IRAK1BP1: variants seen among roughly 807,000 people sequenced by gnomAD.
The protein encoded by IRAK1BP1 is interleukin 1 receptor associated kinase 1 binding protein 1, also known as interleukin-1 receptor-associated kinase 1-binding protein 1.
In IRAK1BP1, 24 loss-of-function variants were observed where a neutral mutation model predicts 28.0. The ratio of observed to expected loss-of-function variants is 0.86; its 90% CI spans 0.62 to 1.20. The LOEUF (loss-of-function observed/expected upper bound fraction) is 1.20, where lower values mean the gene tolerates loss of function less well. IRAK1BP1 is among the 50% of genes most tolerant of loss of function. The probability of loss-of-function intolerance (pLI) is 0.00; values close to 1 mark genes in which losing one functional copy is unlikely to be tolerated. For synonymous variants in IRAK1BP1, 131 were observed against 116.3 expected (o/e 1.13, Z -0.81); for missense variants, 336 against 316.7 (o/e 1.06, Z -0.46).
downstream of IRAK1BP1, chr6:78,946,786 T>C: frequency 6.3e-7 from 1 of 1,594,298 alleles, no homozygotes; most frequent in Non-Finnish European, 8.5e-7. Flanking sequence ...ATTTCTTTTA[T>C]GAAAACGAAG....
At chr6:78,882,331 G>T (rs2135772) in intron 1 of IRAK1BP1, among the ~76,000 whole-genome samples, 137,486 of 152,204 alleles carry the variant, frequency 0.9, 62,133 homozygotes, top group African/African-American at 0.92. Flanking sequence ...AGCAACAAAA[G>T]AAATAAAGTA....
At chr6:78,904,501 C>A (rs116467743), downstream of IRAK1BP1, among the ~76,000 whole-genome samples, 2 of 152,272 alleles carry the variant, frequency 1.3e-5, no homozygotes, top group East Asian at 1.9e-4. Flanking sequence ...TAAACAGATG[C>A]TTAAATTGAA....
intron 4 of IRAK1BP1, among the ~76,000 whole-genome samples, chr6:78,945,102 G>A (rs1367279474): frequency 8.5e-6 from 1 of 117,336 alleles, no homozygotes; most frequent in Non-Finnish European, 1.8e-5. Flanking sequence ...TTTTTCTTTT[G>A]AGACAGGGTC....
chr6:78,882,981 G>A (rs902307503), intron 1 of IRAK1BP1, among the ~76,000 whole-genome samples: 1 of 152,152 alleles, frequency 6.6e-6, no homozygotes, highest in Non-Finnish European at 1.5e-5. Flanking sequence ...TTCAGGCCAA[G>A]TGTGATGTCT....
exon 5 of IRAK1BP1, chr6:78,945,598 C>G (rs1773769598): frequency 2.7e-6 from 2 of 732,178 alleles, no homozygotes; most frequent in Non-Finnish European, 4.6e-6. Context: ...ACAACAAAAC[C>G]TGAAGGATGC....
chr6:78,961,416 G>A, the IRAK1BP1 span, among the ~76,000 whole-genome samples: 1 of 151,946 alleles, frequency 6.6e-6, no homozygotes, highest in Admixed American at 6.6e-5. Context: ...ATCAAATCAT[G>A]TCAGCCTCTA....
chr6:78,933,530 G>A (rs1437232445), intron 4 of IRAK1BP1, among the ~76,000 whole-genome samples: 2 of 152,088 alleles, frequency 1.3e-5, no homozygotes, highest in East Asian at 1.9e-4. Flanking sequence ...CAGGAGAATC[G>A]CTTGAACCCA....
chr6:78,938,632 A>G (rs1321743907), intron 4 of IRAK1BP1: 1 of 151,698 alleles, frequency 6.6e-6, no homozygotes, highest in South Asian at 2.1e-4. Context: ...CAAGCCATCC[A>G]TTTCTGCATT....
intron 4 of IRAK1BP1, among the ~76,000 whole-genome samples, chr6:78,925,839 C>A (rs778827953): frequency 6.6e-6 from 1 of 152,112 alleles, no homozygotes; most frequent in African/African-American, 2.4e-5. Context: ...TACATATACA[C>A]CATGGAATAC....
chr6:78,950,936 T>C (rs890372810), downstream of IRAK1BP1, among the ~76,000 whole-genome samples: 9 of 152,138 alleles, frequency 5.9e-5, no homozygotes, highest in Non-Finnish European at 1.2e-4. Context: ...GCTTCGATTA[T>C]TGATTTGAAA....
the IRAK1BP1 span, chr6:78,969,786 GAAA>G: frequency 1.2e-6 from 1 of 846,522 alleles, no homozygotes. Context: ...CACTTACTAA[GAAA>G]AAAAAACCAC....
chr6:78,898,000 A>G lies in IRAK1BP1; in HGVS notation c.512+41A>G, dbSNP rs898831074. 4 of 1,609,368 alleles carry G rather than the reference A, an allele frequency of 2.5e-6. No individual in the cohort carries two copies. In the East Asian group the frequency reaches 6.7e-5, roughly 27 times the overall value. ...TCTTTAACTAAGATATTCTTTAAAC[A>G]AAACTATCCAGTGCTACATTTCATT... On this transcript the variant is annotated intron_variant, in intron 3 of 3. Transcript: ENST00000369940.
chr6:78,924,486 G>A (rs1344022260), intron 4 of IRAK1BP1, among the ~76,000 whole-genome samples: 2 of 152,090 alleles, frequency 1.3e-5, no homozygotes, highest in African/African-American at 4.8e-5. Flanking sequence ...TCTATCAGAG[G>A]TACAAAGAGG....
chr6:78,935,500 C>T, intron 4 of IRAK1BP1: 1 of 978,370 alleles, frequency 1.0e-6, no homozygotes, highest in Non-Finnish European at 1.2e-6. Context: ...GCAAAGTGTT[C>T]CACTGAAATG....
At chr6:78,938,652 TTAAC>T (rs539043280) in intron 4 of IRAK1BP1, 3 of 151,826 alleles carry the variant, frequency 2.0e-5, no homozygotes, top group South Asian at 4.1e-4. Flanking sequence ...TATGAAGAGT[TTAAC>T]TACTGAATTT....
chr6:78,868,895 G>A (rs377184736), intron 1 of IRAK1BP1, among the ~76,000 whole-genome samples: 65 of 152,296 alleles, frequency 4.3e-4, no homozygotes, highest in African/African-American at 1.3e-3. Context: ...CATTGAGTTG[G>A]TAAAAGTGCA....
intron 2 of IRAK1BP1, 58 bp from the exon 3 acceptor site, chr6:78,897,771 G>A: frequency 1.3e-6 from 2 of 1,497,956 alleles, no homozygotes; most frequent in Non-Finnish European, 9.1e-7. Flanking sequence ...TACATGTAGA[G>A]AAAATCTTGA....
chr6:78,893,269 G>C (rs530302354), intron 2 of IRAK1BP1, among the ~76,000 whole-genome samples: 74 of 133,818 alleles, frequency 5.5e-4, no homozygotes, highest in African/African-American at 2.0e-3. Flanking sequence ...AAAACTAAAA[G>C]GTGTATATAT....
chr6:78,932,246 C>A (rs2127670492), intron 4 of IRAK1BP1, among the ~76,000 whole-genome samples: 1 of 152,142 alleles, frequency 6.6e-6, no homozygotes. Context: ...TTGGAATCAA[C>A]TTCCTCCAAA....
Sources: allele counts gnomAD v4.1 joint callset (sites outside exome capture counted in the v4.1 genomes callset), GRCh38; gene constraint gnomAD v4.1.1; transcripts MANE v1.5; gene names NCBI Gene and HGNC (gene_info 2026-07-23, HGNC 2026-07-21).